DENND1A: variants seen among roughly 807,000 people sequenced by gnomAD.
DENND1A encodes the protein DENN domain containing 1A, also known as DENN domain-containing protein 1A.
Under a neutral mutation model 113.7 loss-of-function variants are expected in DENND1A, and 51 were observed. The observed-to-expected ratio is 0.45, with a 90% CI of 0.36 to 0.57. DENND1A has a LOEUF of 0.57. Ranked by LOEUF, DENND1A falls within the 20% of genes least tolerant of loss-of-function variation. DENND1A has a pLI of 0.00. For missense variants in DENND1A, 1,258 were observed against 1,395.9 expected (o/e 0.90, Z 1.57); for synonymous variants, 565 against 570.8 (o/e 0.99, Z 0.14).
chr9:123,633,729 T>C (rs1273709797), intron 9 of DENND1A, among the ~76,000 whole-genome samples: 4 of 152,012 alleles, frequency 2.6e-5, no homozygotes, highest in Non-Finnish European at 5.9e-5. Context: ...TGGGCTGAGA[T>C]CACACCACTA....
intron 13 of DENND1A, among the ~76,000 whole-genome samples, chr9:123,538,796 G>T (rs2135527664): frequency 1.0e-5 from 1 of 99,398 alleles, no homozygotes; most frequent in African/African-American, 3.9e-5. Context: ...GAATCCAAAG[G>T]TGACAACTCA....
intron 13 of DENND1A, among the ~76,000 whole-genome samples, chr9:123,506,580 CAAAAAAAAAA>C (rs10542393): frequency 4.1e-5 from 3 of 73,898 alleles, no homozygotes; most frequent in African/African-American, 5.3e-5. Context: ...GACTCTGTCT[CAAAAAAAAAA>C]AAAAAAAAAA....
intron 5 of DENND1A, among the ~76,000 whole-genome samples, chr9:123,713,074 G>C (rs1164047762): frequency 1.3e-5 from 2 of 152,204 alleles, no homozygotes; most frequent in Non-Finnish European, 2.9e-5. Context: ...CGATGCCAAC[G>C]AGAATATTTT....
intron 5 of DENND1A, among the ~76,000 whole-genome samples, chr9:123,728,506 A>ACAAAAAAAAAAACAAAAAAAC (rs1396086030): frequency 4.1e-5 from 6 of 145,902 alleles, no homozygotes; most frequent in African/African-American, 1.6e-4. Context: ...AAAAAAAAAA[A>ACAAAAAAAAAAACAAAAAAAC]AAAACAGGCA....
At chr9:123,423,076 G>C (rs1233104465) in intron 19 of DENND1A, among the ~76,000 whole-genome samples, 1 of 152,164 alleles carries the variant, frequency 6.6e-6, no homozygotes, top group Non-Finnish European at 1.5e-5. Context: ...CCAAGGGGAG[G>C]GGCGCCCACT....
At chr9:123,611,361 G>T (rs1371123341) in intron 10 of DENND1A, among the ~76,000 whole-genome samples, 1 of 152,128 alleles carries the variant, frequency 6.6e-6, no homozygotes, top group Admixed American at 6.5e-5. Flanking sequence ...GCTTTTTCCA[G>T]TGTACACTGA....
intron 13 of DENND1A, among the ~76,000 whole-genome samples, chr9:123,480,115 T>C (rs760948604): frequency 1.1e-4 from 17 of 152,194 alleles, no homozygotes; most frequent in Non-Finnish European, 2.4e-4. Flanking sequence ...ACTTTCTAAA[T>C]GTTCTTATCC....
intron 10 of DENND1A, among the ~76,000 whole-genome samples, chr9:123,621,660 G>C (rs1402150707): frequency 6.6e-6 from 1 of 152,182 alleles, no homozygotes; most frequent in Non-Finnish European, 1.5e-5. Flanking sequence ...CTCCAATCTA[G>C]TAAATGGGGA....
At chr9:123,758,865 A>T (rs1428629661) in intron 4 of DENND1A, among the ~76,000 whole-genome samples, 1 of 152,096 alleles carries the variant, frequency 6.6e-6, no homozygotes, top group Non-Finnish European at 1.5e-5. Context: ...CAGTGGTGTG[A>T]TCTCAGCTCA....
At chr9:123,447,125 G>A (rs1279410031) in intron 18 of DENND1A, among the ~76,000 whole-genome samples, 1 of 152,214 alleles carries the variant, frequency 6.6e-6, no homozygotes, top group Non-Finnish European at 1.5e-5. Flanking sequence ...CTGGCAGGGA[G>A]ACACTCCAGA....
rs546486001 is a variant in DENND1A, at chr9:123,689,416, G to A, written c.303-12627C>T. 5.9e-5 allele frequency among the ~76,000 whole-genome samples: 9 copies of A among 152,250 alleles called. No individual in the cohort carries two copies. The South Asian group carries it at 1.9e-3, about 32-fold the overall frequency. ...ACTACAAAAAGTAGAAAATTAAAAC[G>A]AAGGGCAGAAAAATGTACGCATGAA... On this transcript the variant is annotated intron_variant, in intron 5 of 23. Transcript: ENST00000394215.
chr9:123,757,759 C>CT lies in DENND1A; in HGVS notation c.245dup (p.Arg83GlufsTer29). The CT allele has an allele frequency of 6.2e-7, 1 of 1,614,106 alleles. No individual in the cohort carries two copies. Among genetic ancestry groups the CT allele is most frequent in the African/African-American group, 1.3e-5 (1 of 75,054 alleles). Reference sequence around the variant, plus strand: ...AAGATAAGCGGCAGAACCCGAATCTCTGTTTGCTGTCAATGTCAGTGAGCA... The same window carrying CT: ...AAGATAAGCGGCAGAACCCGAATCTCTTGTTTGCTGTCAATGTCAGTGAGCA... On this transcript the variant is annotated frameshift_variant, in exon 5 of 24. Coordinates refer to ENST00000394215, the MANE Select transcript of DENND1A (RefSeq NM_001352964.2). LOFTEE classifies it high-confidence loss of function.
At chr9:123,859,128 CACTT>C (rs1448007532) in intron 2 of DENND1A, among the ~76,000 whole-genome samples, 2 of 152,158 alleles carry the variant, frequency 1.3e-5, no homozygotes, top group Non-Finnish European at 2.9e-5. Context: ...CCTTTGTTAG[CACTT>C]ACTAACAGTA....
intron 5 of DENND1A, among the ~76,000 whole-genome samples, chr9:123,681,346 C>T (rs766487513): frequency 1.3e-5 from 2 of 151,044 alleles, no homozygotes; most frequent in Non-Finnish European, 3.0e-5. Flanking sequence ...GGGAGGGAGG[C>T]GAGGCAGAGT....
chr9:123,860,834 G>A (rs1305665188), intron 2 of DENND1A, among the ~76,000 whole-genome samples: 1 of 152,134 alleles, frequency 6.6e-6, no homozygotes, highest in Non-Finnish European at 1.5e-5. Context: ...ATAATGCACT[G>A]GGCCATAAAA....
chr9:123,590,013 G>A (rs1040267892), intron 11 of DENND1A, among the ~76,000 whole-genome samples: 2 of 152,232 alleles, frequency 1.3e-5, no homozygotes, highest in African/African-American at 4.8e-5. Flanking sequence ...ACAGAGTTGT[G>A]TGAGGCTTTG....
At chr9:123,463,307 T>A (rs538451690) in intron 13 of DENND1A, among the ~76,000 whole-genome samples, 62 of 152,326 alleles carry the variant, frequency 4.1e-4, no homozygotes, top group Non-Finnish European at 6.3e-4. Flanking sequence ...ACATATGGAA[T>A]CCATCGGAAA....
intron 13 of DENND1A, among the ~76,000 whole-genome samples, chr9:123,498,209 T>C (rs1264986780): frequency 1.3e-5 from 2 of 152,254 alleles, no homozygotes; most frequent in Non-Finnish European, 2.9e-5. Flanking sequence ...TTCACATTTA[T>C]AGGGTCCCTA....
intron 19 of DENND1A, among the ~76,000 whole-genome samples, chr9:123,418,881 G>A (rs1225210095): frequency 2.0e-5 from 3 of 152,232 alleles, no homozygotes; most frequent in Admixed American, 1.3e-4. Context: ...CTGGGGCAGG[G>A]GTGCTATGAT....
Sources: gnomAD v4.1 joint callset for allele counts (sites outside exome capture counted in the v4.1 genomes callset) on GRCh38, gnomAD v4.1.1 for gene constraint, MANE v1.5 for transcripts, NCBI Gene and HGNC (gene_info 2026-07-23, HGNC 2026-07-21) for gene names.